TMC5: variants seen among roughly 807,000 people sequenced by gnomAD.
The protein encoded by TMC5 is transmembrane channel-like protein 5.
TMC5 carries 86 observed loss-of-function variants against 110.5 expected under a neutral mutation model. The ratio of observed to expected loss-of-function variants is 0.78; its 90% CI spans 0.65 to 0.93. The LOEUF is 0.93. Among genes scored for constraint, TMC5 ranks in the 40% least tolerant of loss-of-function variants. The pLI, the probability that TMC5 is intolerant of heterozygous loss-of-function variation, is 0.00. For missense variants in TMC5, 1,144 were observed against 1,222.8 expected (o/e 0.94, Z 0.96); for synonymous variants, 455 against 439.5 (o/e 1.04, Z -0.44).
chr16:19,479,207 G>A (rs572130192), intron 13 of TMC5, among the ~76,000 whole-genome samples: 86 of 152,272 alleles, frequency 5.6e-4, no homozygotes, highest in African/African-American at 2.0e-3. Flanking sequence ...TGTGTGGAAG[G>A]CAAGCTTTAA....
rs973985331 is a variant in TMC5, at chr16:19,484,146, T to C, written c.2363+2681T>C. On this transcript the variant is annotated intron_variant, in intron 15 of 21. Coordinates refer to ENST00000542583, the MANE Select transcript of TMC5 (RefSeq NM_001261841.2). ...GTTGAGGATTAAATGCCATGGTAAA[T>C]GAAAACGCTTTGCAAACACCAATAT... 2.6e-4 allele frequency among the ~76,000 whole-genome samples: 39 copies of C among 151,242 alleles called. 1 individual carries two copies. Among genetic ancestry groups the C allele is most frequent in the Non-Finnish European group, 5.9e-5 (4 of 67,882 alleles).
At chr16:19,494,120 A>G (rs575188303) in intron 19 of TMC5, 142 bp from the exon 20 acceptor site, 2 of 660,700 alleles carry the variant, frequency 3.0e-6, no homozygotes, top group South Asian at 3.7e-5. Context: ...CTTTCACCAA[A>G]AGATGGCAGT....
At chr16:19,429,896 G>A (rs917962738) in intron 1 of TMC5, among the ~76,000 whole-genome samples, 19 of 151,860 alleles carry the variant, frequency 1.3e-4, no homozygotes, top group African/African-American at 4.6e-4. Flanking sequence ...CAGTCATGTT[G>A]CATTAGGTCC....
chr16:19,444,324 A>T (rs1336611825), intron 4 of TMC5, 74 bp downstream of exon 4: 45 of 1,387,646 alleles, frequency 3.2e-5, no homozygotes, highest in Non-Finnish European at 3.0e-6. Context: ...GCAATCATTA[A>T]GGAGACTTGG....
At chr16:19,423,747 G>GTTA (rs528805466) in intron 1 of TMC5, among the ~76,000 whole-genome samples, 19 of 151,662 alleles carry the variant, frequency 1.3e-4, no homozygotes, top group South Asian at 4.2e-4. Flanking sequence ...CAATTTTATT[G>GTTA]TTATTATTAT....
intron 9 of TMC5, among the ~76,000 whole-genome samples, chr16:19,468,921 G>A (rs984142613): frequency 3.3e-5 from 5 of 152,202 alleles, no homozygotes; most frequent in Non-Finnish European, 5.9e-5. Flanking sequence ...GAGCCCAGGA[G>A]GTGGAGGCTG....
chr16:19,463,873 G>T lies in TMC5; in HGVS notation c.1334G>T (p.Ser445Ile), dbSNP rs1322858442. Residue 445 changes from serine (S) to isoleucine (I), a missense_variant, in exon 8 of 22, where the codon AGC becomes ATC. Ser to Ile is a moderately radical substitution (Grantham distance 142). Coordinates refer to ENST00000542583, the MANE Select transcript of TMC5 (RefSeq NM_001261841.2). ...LKIIGGKFGT[S>I]VLSYFNFLRW... Reference sequence around the variant, plus strand: ...ATCATTGGAGGCAAGTTTGGAACCAGCGTCCTCTCCTATTTCAACTTTCTG... The same window carrying T: ...ATCATTGGAGGCAAGTTTGGAACCATCGTCCTCTCCTATTTCAACTTTCTG... 1 of 1,614,202 alleles carries T rather than the reference G, an allele frequency of 6.2e-7. No individual in the cohort carries two copies. The highest frequency in any genetic ancestry group is 1.7e-5 in the Admixed American group (1 of 60,020).
In TMC5 at chr16:19,481,577, C is replaced by A. The variant is rs1423977232; in HGVS notation, c.2363+112C>A. The A allele has an allele frequency of 2.6e-5, 20 of 756,842 alleles. No homozygotes were observed. In the East Asian group the frequency reaches 4.6e-4, roughly 17 times the overall value. The allele number at this position is 756,842 out of a possible 1,614,324, so 46.9% of individuals were successfully genotyped here. On this transcript the variant is annotated intron_variant, in intron 15 of 21. Coordinates refer to ENST00000542583, the MANE Select transcript of TMC5 (RefSeq NM_001261841.2). Reference sequence around the variant, plus strand: ...GTTTTTAAAGCTGCAGGGGTGATAACCCATCCAGCCAGTCTGAGAACCATG... The same window carrying A: ...GTTTTTAAAGCTGCAGGGGTGATAAACCATCCAGCCAGTCTGAGAACCATG...
Position 19,479,401 on chromosome 16 carries a change from C to T in TMC5, c.2170-30C>T. 3.9e-6 allele frequency: 6 copies of T among 1,539,372 alleles called. No homozygotes were observed. In the South Asian group the frequency reaches 4.5e-5, roughly 11 times the overall value. ...AATTGAGCTGAGGCCACAGCCCCTT[C>T]CCACATCCTGACTCTTGTTTGCCTT... On this transcript the variant is annotated intron_variant, in intron 13 of 21. Transcript: ENST00000542583.
intron 3 of TMC5, among the ~76,000 whole-genome samples, chr16:19,442,301 T>C (rs1013923051): frequency 6.6e-6 from 1 of 151,582 alleles, no homozygotes; most frequent in Non-Finnish European, 1.5e-5. Context: ...AGATTTTTCA[T>C]GTTCACGTTG....
chr16:19,477,284 C>T (rs891355478), intron 12 of TMC5, among the ~76,000 whole-genome samples, 156 bp from the exon 13 acceptor site: 1 of 152,052 alleles, frequency 6.6e-6, no homozygotes, highest in Non-Finnish European at 1.5e-5. Context: ...CACATTGCTT[C>T]TGTTCACAAT....
intron 20 of TMC5, among the ~76,000 whole-genome samples, chr16:19,496,048 T>C (rs1426391464): frequency 6.6e-6 from 1 of 151,758 alleles, no homozygotes; most frequent in Non-Finnish European, 1.5e-5. Flanking sequence ...TCCCAGCTAC[T>C]TGGGAGGCTG....
intron 11 of TMC5, among the ~76,000 whole-genome samples, chr16:19,472,863 C>T (rs893960278): frequency 1.1e-4 from 16 of 152,076 alleles, no homozygotes; most frequent in Admixed American, 9.2e-4. Context: ...CAGAGGTAGA[C>T]GGAGGTAGGG....
intron 2 of TMC5, among the ~76,000 whole-genome samples, chr16:19,434,881 G>A (rs759990008): frequency 2.0e-5 from 3 of 152,068 alleles, no homozygotes; most frequent in Non-Finnish European, 4.4e-5. Context: ...GGGGTTAAGT[G>A]ACTTGCCCAA....
chr16:19,468,122 A>C (rs1237779683), intron 9 of TMC5, among the ~76,000 whole-genome samples: 1 of 151,932 alleles, frequency 6.6e-6, no homozygotes, highest in Non-Finnish European at 1.5e-5. Flanking sequence ...TTACAGGCTC[A>C]TGCCAACACA....
chr16:19,443,883 G>A (rs1228796099), intron 3 of TMC5, among the ~76,000 whole-genome samples, 198 bp from the exon 4 acceptor site: 1 of 151,932 alleles, frequency 6.6e-6, no homozygotes, highest in East Asian at 1.9e-4. Context: ...ATGAATGGAT[G>A]GATGGATGGA....
intron 2 of TMC5, among the ~76,000 whole-genome samples, chr16:19,431,657 G>A (rs1967199874): frequency 6.6e-6 from 1 of 152,024 alleles, no homozygotes; most frequent in Admixed American, 6.6e-5. Flanking sequence ...TGGTCAATTT[G>A]CTGTTTTGTA....
intron 1 of TMC5, among the ~76,000 whole-genome samples, chr16:19,419,330 ATTG>A (rs1434704264): frequency 2.9e-5 from 4 of 135,724 alleles, no homozygotes; most frequent in African/African-American, 8.2e-5. Flanking sequence ...ACTTATTATT[ATTG>A]TTATTGTTTG....
chr16:19,431,407 T>G (rs1335839783), intron 2 of TMC5, among the ~76,000 whole-genome samples: 1 of 151,988 alleles, frequency 6.6e-6, no homozygotes, highest in Non-Finnish European at 1.5e-5. Context: ...CTGGGCATGG[T>G]GGCAGGTGCC....
Sources: gnomAD v4.1 joint callset for allele counts (sites outside exome capture counted in the v4.1 genomes callset) on GRCh38, gnomAD v4.1.1 for gene constraint, MANE v1.5 for transcripts, NCBI Gene and HGNC (gene_info 2026-07-23, HGNC 2026-07-21) for gene names.